RIT2: variants seen among roughly 807,000 people sequenced by gnomAD.
The protein encoded by RIT2 is Ras like without CAAX 2.
In RIT2, 24 loss-of-function variants were observed where a neutral mutation model predicts 23.7. That is an observed-to-expected ratio of 1.01 (90% CI 0.73 to 1.43). The LOEUF is 1.43. Ranked by LOEUF, RIT2 falls within the 40% of genes most tolerant of loss-of-function variation. The probability of loss-of-function intolerance (pLI) is 0.00; values close to 1 mark genes in which losing one functional copy is unlikely to be tolerated. For synonymous variants in RIT2, 107 were observed against 91.1 expected (o/e 1.17, Z -0.99); for missense variants, 236 against 266.9 (o/e 0.88, Z 0.81).
chr18:42,938,159 T>G (rs1909508187), intron 3 of RIT2, among the ~76,000 whole-genome samples: 3 of 152,160 alleles, frequency 2.0e-5, no homozygotes, highest in Non-Finnish European at 4.4e-5. Context: ...ATGTTTAAAA[T>G]TGGGCATTTG....
chr18:43,022,061 T>C (rs1302254913), intron 2 of RIT2, among the ~76,000 whole-genome samples: 1 of 152,026 alleles, frequency 6.6e-6, no homozygotes, highest in Non-Finnish European at 1.5e-5. Context: ...AGCCTAAATG[T>C]CCATCAATGG....
chr18:42,992,871 C>A (rs1210134971), intron 2 of RIT2, among the ~76,000 whole-genome samples: 1 of 152,154 alleles, frequency 6.6e-6, no homozygotes, highest in Non-Finnish European at 1.5e-5. Context: ...CCTGAAAGGT[C>A]AGAAGGCCGT....
intron 1 of RIT2, among the ~76,000 whole-genome samples, chr18:43,085,967 A>G (rs772745365): frequency 9.8e-5 from 15 of 152,300 alleles, no homozygotes; most frequent in African/African-American, 3.4e-4. Flanking sequence ...ACCATGATTA[A>G]GAGACCTCCC....
intron 4 of RIT2, among the ~76,000 whole-genome samples, chr18:42,867,798 G>A (rs182462467): frequency 3.8e-4 from 58 of 152,064 alleles, no homozygotes; most frequent in African/African-American, 1.3e-3. Flanking sequence ...CAACTCTAAG[G>A]GAAAATAAAA....
At chr18:43,041,485 T>A (rs1912127235) in intron 1 of RIT2, among the ~76,000 whole-genome samples, 1 of 152,160 alleles carries the variant, frequency 6.6e-6, no homozygotes. Flanking sequence ...CCTTTTTCTT[T>A]ATTAGTGGCT....
intron 1 of RIT2, among the ~76,000 whole-genome samples, chr18:43,056,832 T>A (rs1281602689): frequency 6.6e-6 from 1 of 152,088 alleles, no homozygotes; most frequent in Admixed American, 6.6e-5. Context: ...AGCTTTTGAC[T>A]TAACAGAACT....
At chr18:43,059,701 T>C (rs1443225748) in intron 1 of RIT2, among the ~76,000 whole-genome samples, 1 of 152,212 alleles carries the variant, frequency 6.6e-6, no homozygotes, top group Non-Finnish European at 1.5e-5. Context: ...ACTTGACTTG[T>C]TTTATTGCTC....
At position 42,990,912 on chromosome 18, in the gene RIT2, G is replaced by GTTTT. The variant is rs77172671; in HGVS notation, c.161-16769_161-16766dup. ...GCTCCTATTATGCTACACTGGTTTT[G>GTTTT]TTTTTTTTTTTTTTTTTTTAAAGAC... On this transcript the variant is annotated intron_variant, in intron 2 of 4. Transcript: ENST00000326695. Among the ~76,000 whole-genome samples, 998 of 133,052 alleles carry GTTTT rather than the reference G, an allele frequency of 7.5e-3. 14 individuals carry two copies. Among genetic ancestry groups the GTTTT allele is most frequent in the East Asian group, 0.056 (244 of 4,350 alleles). The allele number at this position is 133,052 out of a possible 152,430, so 87.3% of individuals were successfully genotyped here.
chr18:42,889,533 AT>A (rs1375542742), intron 4 of RIT2, among the ~76,000 whole-genome samples: 3 of 152,094 alleles, frequency 2.0e-5, no homozygotes, highest in African/African-American at 7.2e-5. Flanking sequence ...ACAGACTTAC[AT>A]TCCTAGATAT....
intron 2 of RIT2, among the ~76,000 whole-genome samples, chr18:42,996,018 G>A (rs1910975345): frequency 6.6e-6 from 1 of 152,130 alleles, no homozygotes; most frequent in African/African-American, 2.4e-5. Flanking sequence ...TTTGCTGGTA[G>A]GACAATGCTG....
intron 2 of RIT2, among the ~76,000 whole-genome samples, chr18:43,016,265 T>C (rs768237067): frequency 5.8e-4 from 88 of 152,008 alleles, no homozygotes; most frequent in Non-Finnish European, 1.1e-3. Flanking sequence ...TAAATTTTAG[T>C]TGTTTTCTAA....
At chr18:42,769,917 G>A (rs2143913225) in intron 4 of RIT2, among the ~76,000 whole-genome samples, 1 of 151,404 alleles carries the variant, frequency 6.6e-6, no homozygotes, top group South Asian at 2.1e-4. Flanking sequence ...TGGACAATGG[G>A]AGAATGAGTG....
At chr18:43,075,237 C>T (rs569308314) in intron 1 of RIT2, among the ~76,000 whole-genome samples, 1 of 152,244 alleles carries the variant, frequency 6.6e-6, no homozygotes, top group East Asian at 1.9e-4. Flanking sequence ...AAATCAGCAG[C>T]TCTTCCTTTT....
At chr18:42,980,660 C>T (rs1202995747) in intron 2 of RIT2, among the ~76,000 whole-genome samples, 1 of 152,134 alleles carries the variant, frequency 6.6e-6, no homozygotes, top group African/African-American at 2.4e-5. Flanking sequence ...TGCCCCTGGA[C>T]TCCTCTGCAG....
intron 4 of RIT2, among the ~76,000 whole-genome samples, chr18:42,904,145 T>C (rs572408340): frequency 2.0e-5 from 3 of 152,292 alleles, no homozygotes; most frequent in African/African-American, 7.2e-5. Context: ...ATATCTAATA[T>C]TTGATCAAGT....
chr18:43,076,101 T>C (rs1160959521), intron 1 of RIT2, among the ~76,000 whole-genome samples: 1 of 152,248 alleles, frequency 6.6e-6, no homozygotes, highest in Non-Finnish European at 1.5e-5. Flanking sequence ...ATATCTAAGC[T>C]CTATTCAATT....
At chr18:42,756,226 C>T (rs1302886028) in intron 4 of RIT2, among the ~76,000 whole-genome samples, 8 of 152,118 alleles carry the variant, frequency 5.3e-5, no homozygotes, top group South Asian at 2.1e-4. Flanking sequence ...ATTTCTTGAG[C>T]GCCTACTCTG....
At chr18:42,899,869 T>G (rs1048208330) in intron 4 of RIT2, among the ~76,000 whole-genome samples, 19 of 152,152 alleles carry the variant, frequency 1.2e-4, no homozygotes, top group African/African-American at 4.6e-4. Flanking sequence ...AGGCCAAATT[T>G]AGTTTAATTT....
At chr18:42,753,161 T>A (rs1022212124) in intron 4 of RIT2, among the ~76,000 whole-genome samples, 2 of 152,144 alleles carry the variant, frequency 1.3e-5, no homozygotes, top group Admixed American at 1.3e-4. Flanking sequence ...CAGCTGCTAG[T>A]GGGAAGCGGC....
Sources: gnomAD v4.1 joint callset for allele counts (sites outside exome capture counted in the v4.1 genomes callset) on GRCh38, gnomAD v4.1.1 for gene constraint, MANE v1.5 for transcripts, NCBI Gene and HGNC (gene_info 2026-07-23, HGNC 2026-07-21) for gene names.